Variants in CCDC61 observed in about 807,000 individuals in gnomAD.
The protein encoded by CCDC61 is coiled-coil domain containing 61.
CCDC61 carries 55 observed loss-of-function variants against 63.0 expected under a neutral mutation model. That is an observed-to-expected ratio of 0.87 (90% CI 0.70 to 1.09). The LOEUF is 1.09. Ranked by LOEUF, CCDC61 falls within the 50% of genes least tolerant of loss-of-function variation. CCDC61 has a pLI of 0.00. For missense variants in CCDC61, 651 were observed against 731.4 expected, an observed-to-expected ratio of 0.89 and a Z score of 1.27; for synonymous variants, 270 against 317.0, an observed-to-expected ratio of 0.85 and a Z score of 1.58.
At chr19:46,008,020 A>C (rs1968745603) in intron 4 of CCDC61, 120 bp from the exon 5 acceptor site, 2 of 1,086,768 alleles carry the variant, frequency 1.8e-6, no homozygotes, top group South Asian at 1.6e-5. Flanking sequence ...ATAAGCCTCT[A>C]GGACAGTGCA....
intron 3 of CCDC61, 27 bp downstream of exon 3, chr19:46,003,528 TG>T (rs71337252): frequency 0.28 from 245,147 of 882,926 alleles, 25,950 homozygotes; most frequent in Non-Finnish European, 0.35. Flanking sequence ...CGGGTTGGGG[TG>T]GGAGGGGGGT....
chr19:46,005,402 ACTTAT>A (rs149526893), intron 3 of CCDC61, among the ~76,000 whole-genome samples: 277 of 152,192 alleles, frequency 1.8e-3, no homozygotes, highest in African/African-American at 6.3e-3. Context: ...AATTCCACTG[ACTTAT>A]CTTGCATTTT....
chr19:46,013,075 A>G (rs1968859618), intron 5 of CCDC61, among the ~76,000 whole-genome samples: 1 of 151,872 alleles, frequency 6.6e-6, no homozygotes, highest in Non-Finnish European at 1.5e-5. Context: ...GCAGTGGTGC[A>G]ATGTCAGCTC....
chr19:45,997,011 A>G (rs957308999), intron 1 of CCDC61, among the ~76,000 whole-genome samples: 4 of 151,932 alleles, frequency 2.6e-5, no homozygotes, highest in Admixed American at 6.6e-5. Flanking sequence ...CGAGGCCCCA[A>G]CCTATTGGGT....
At chr19:46,001,485 A>G (rs1034517125) in intron 1 of CCDC61, among the ~76,000 whole-genome samples, 5 of 152,224 alleles carry the variant, frequency 3.3e-5, no homozygotes, top group African/African-American at 1.2e-4. Flanking sequence ...CGGCCTCCCA[A>G]AGTGCTGGGA....
Position 46,003,148 on chromosome 19 carries a change from G to T in CCDC61, c.130G>T (p.Gly44Cys). ...CCGGATGACGGCTGACCAGTGGCGG[G>T]GCGAGTTCGATGCTGGCTGTGAGTG... ...EDRMTADQWR[G>C]EFDAGFIEDL... The change falls in exon 2 of 14, where the codon GGC becomes TGC. Residue 44 changes from glycine to cysteine, a missense_variant. Transcript: ENST00000595358. 1 of 1,610,606 alleles carries T rather than the reference G, an allele frequency of 6.2e-7. No homozygotes were observed. The highest frequency in any genetic ancestry group is 8.5e-7 in the Non-Finnish European group (1 of 1,178,382).
Position 46,008,254 on chromosome 19 carries a change from G to A in CCDC61, c.504G>A (p.Gln168=). ...GCCGCCTGCAAGGGCTGGATGGCCA[G>A]AACACTCGGGACACCCGGGAGAATG... is the stretch of plus-strand genomic sequence containing the variant. ...ELGRLQGLDG[Q]NTRDTRENEI... Residue 168 remains glutamine (Q), a synonymous_variant, in exon 5 of 14, where the codon CAG becomes CAA. Transcript: ENST00000595358. 1 of 1,385,108 alleles carries A rather than the reference G, an allele frequency of 7.2e-7. No homozygotes were observed. The highest frequency in any genetic ancestry group is 9.7e-7 in the Non-Finnish European group (1 of 1,035,668). 85.8% of individuals were successfully genotyped at this position (1,385,108 alleles called of 1,614,324 possible). A position where few individuals can be genotyped will look rare whatever the true frequency, so the allele number is the denominator to read the frequency against.
Position 46,016,641 on chromosome 19 carries a change from C to T in CCDC61, c.1092-53C>T. On this transcript the variant is annotated intron_variant, in intron 9 of 13. Transcript: ENST00000595358. This position sits in a 1 kb window ranked among gnomAD's most constrained non-coding sequence, Gnocchi z 7.2. ...TGACCTTTAGGGGCGCAGTGACCCC[C>T]TTGCCTGCAGGAGTTGGGCGTACAG... The T allele has an allele frequency of 6.2e-7, 1 of 1,602,606 alleles. No individual in the cohort carries two copies. Among genetic ancestry groups the T allele is most frequent in the Non-Finnish European group, 8.5e-7 (1 of 1,174,958 alleles).
chr19:46,011,658 G>T (rs901138199), intron 5 of CCDC61, among the ~76,000 whole-genome samples: 3 of 152,192 alleles, frequency 2.0e-5, no homozygotes, highest in African/African-American at 7.2e-5. Context: ...TGAGACTGAT[G>T]ATTTCAGCTG....
At chr19:46,002,645 G>T (rs562933393) in intron 1 of CCDC61, among the ~76,000 whole-genome samples, 1 of 151,734 alleles carries the variant, frequency 6.6e-6, no homozygotes, top group African/African-American at 2.4e-5. Context: ...TTGAACTCTT[G>T]AGCTCAAGTG....
Position 46,015,371 on chromosome 19 carries a change from G to A in CCDC61, c.789G>A (p.Arg263=). Residue 263 remains arginine, a synonymous_variant, in exon 7 of 14, where the codon CGG becomes CGA. Transcript: ENST00000595358. The surrounding 1 kb of genome is among the most constrained non-coding windows in gnomAD (Gnocchi z 5.3). ...KELEEAKASE[R]SLRARLKTLT... is the part of the protein sequence containing the mutation. ...TCGAGGAGGCGAAGGCATCGGAGCG[G>A]AGCCTGCGCGCCCGGCTGAAGACGC... The A allele has an allele frequency of 6.2e-7, 1 of 1,603,176 alleles. No homozygotes were observed.
chr19:46,005,329 T>C (rs1201698133), intron 3 of CCDC61, among the ~76,000 whole-genome samples: 1 of 152,152 alleles, frequency 6.6e-6, no homozygotes, highest in Non-Finnish European at 1.5e-5. Flanking sequence ...GATAGTTTCT[T>C]AAAGGTTAGT....
chr19:46,001,514 G>A (rs1003389004), intron 1 of CCDC61, among the ~76,000 whole-genome samples: 3 of 152,212 alleles, frequency 2.0e-5, no homozygotes, highest in African/African-American at 4.8e-5. Context: ...GTGAGCCAAC[G>A]CACACGGACG....
intron 5 of CCDC61, among the ~76,000 whole-genome samples, 161 bp from the exon 6 acceptor site, chr19:46,014,888 G>T (rs1256445548): frequency 6.6e-6 from 1 of 152,188 alleles, no homozygotes; most frequent in African/African-American, 2.4e-5. Flanking sequence ...CACGTCGCAG[G>T]GGATATGATA....
At chr19:46,005,150 A>T (rs1280581095) in intron 3 of CCDC61, among the ~76,000 whole-genome samples, 1 of 152,070 alleles carries the variant, frequency 6.6e-6, no homozygotes, top group Non-Finnish European at 1.5e-5. Flanking sequence ...AGCTGGAATT[A>T]CAGGCATGCG....
Position 46,007,745 on chromosome 19 carries a change from G to A in CCDC61, c.390-395G>A, listed in dbSNP as rs548929859. Among the ~76,000 whole-genome samples, 65 of 152,236 alleles carry A rather than the reference G, an allele frequency of 4.3e-4. 1 individual carries two copies. Among genetic ancestry groups the A allele is most frequent in the African/African-American group, 1.5e-3 (61 of 41,518 alleles). On this transcript the variant is annotated intron_variant, in intron 4 of 13. Transcript: ENST00000595358. ...TCTCATGGGGCCGTTAATCACAATG[G>A]CTCACCTTTCCCCAGCCAAGCCAGG...
chr19:46,006,675 CA>C lies in CCDC61; in HGVS notation c.350del (p.Lys117SerfsTer4). 1 of 1,613,660 alleles carries C rather than the reference CA, an allele frequency of 6.2e-7. No homozygotes were observed. The highest frequency in any genetic ancestry group is 8.5e-7 in the Non-Finnish European group (1 of 1,179,760). ...LAPRSAQLNS[K>X]RYLILIYSVE... ...CCCCCAGGTCGGCCCAGCTCAACTC[CA>C]AGCGCTACCTGATCCTCATCTACTC... is the stretch of plus-strand genomic sequence containing the variant. On this transcript the variant is annotated frameshift_variant, in exon 4 of 14. Transcript: ENST00000595358. LOFTEE classifies it high-confidence loss of function.
At chr19:46,014,948 C>T (rs1416620860) in intron 5 of CCDC61, 101 bp from the exon 6 acceptor site, 13 of 1,046,932 alleles carry the variant, frequency 1.2e-5, no homozygotes, top group Middle Eastern at 3.2e-4. Context: ...AGCCGTGTAC[C>T]CCCTTCCGGG....
Position 46,015,272 on chromosome 19 carries a change from G to T in CCDC61, c.762+13G>T, listed in dbSNP as rs1303875114. Reference sequence around the variant, plus strand: ...TCTGGCCAAGGAGGTGAGCAGCGGGGGCCCGGGGCGGCCAGCGAGGCGCGG... The same window carrying T: ...TCTGGCCAAGGAGGTGAGCAGCGGGTGCCCGGGGCGGCCAGCGAGGCGCGG... On this transcript the variant is annotated intron_variant, in intron 6 of 13. Coordinates refer to ENST00000595358, the MANE Select transcript of CCDC61 (RefSeq NM_001267723.2). This position sits in a 1 kb window ranked among gnomAD's most constrained non-coding sequence, Gnocchi z 5.3. The T allele has an allele frequency of 6.6e-7, 1 of 1,521,934 alleles. No homozygotes were observed. The highest frequency in any genetic ancestry group is 8.7e-7 in the Non-Finnish European group (1 of 1,144,074). 94.3% of individuals were successfully genotyped at this position (1,521,934 alleles called of 1,614,324 possible).
Sources: gnomAD v4.1 joint callset for allele counts (sites outside exome capture counted in the v4.1 genomes callset) on GRCh38, gnomAD v4.1.1 for gene constraint, Gnocchi (gnomAD v3.1) non-coding constraint, MANE v1.5 for transcripts, NCBI Gene and HGNC (gene_info 2026-07-23, HGNC 2026-07-21) for gene names.